LRRK2: variants seen among roughly 807,000 people sequenced by gnomAD.
LRRK2 encodes leucine rich repeat kinase 2.
Under a neutral mutation model 302.6 loss-of-function variants are expected in LRRK2, and 203 were observed. The ratio of observed to expected loss-of-function variants is 0.67; its 90% CI spans 0.60 to 0.75. LRRK2 has a LOEUF of 0.75. LRRK2 is among the 30% of genes least tolerant of loss of function. The pLI, the probability that LRRK2 is intolerant of heterozygous loss-of-function variation, is 0.00. For synonymous variants in LRRK2, 1,066 were observed against 1,031.9 expected, an observed-to-expected ratio of 1.03 and a Z score of -0.63; for missense variants, 2,830 against 2,951.0, an observed-to-expected ratio of 0.96 and a Z score of 0.95.
intron 2 of LRRK2, among the ~76,000 whole-genome samples, chr12:40,228,203 A>C (rs944632194): frequency 1.3e-5 from 2 of 152,144 alleles, no homozygotes; most frequent in African/African-American, 4.8e-5. Context: ...TCCCATCAGC[A>C]GTGTACCACC....
intron 11 of LRRK2, among the ~76,000 whole-genome samples, chr12:40,255,986 G>C (rs947676188): frequency 6.6e-6 from 1 of 152,096 alleles, no homozygotes; most frequent in Non-Finnish European, 1.5e-5. Context: ...TTTAAAAGCA[G>C]TACTTAAGTT....
In LRRK2 at chr12:40,252,465, A is replaced by G. The variant is rs1942314556; in HGVS notation, c.1182-445A>G. 4.6e-5 allele frequency among the ~76,000 whole-genome samples: 7 copies of G among 152,202 alleles called. No homozygotes were observed. The South Asian group carries it at 1.4e-3, about 31-fold the overall frequency. On this transcript the variant is annotated intron_variant, in intron 10 of 50. Transcript: ENST00000298910. ...GGGAGATTCATGTCGCAGTTTATAA[A>G]TTTCAGTTCATAGGATACCTATTTT...
At chr12:40,230,352 T>G (rs1464658120) in intron 2 of LRRK2, among the ~76,000 whole-genome samples, 1 of 152,198 alleles carries the variant, frequency 6.6e-6, no homozygotes, top group Non-Finnish European at 1.5e-5. Flanking sequence ...TTATTCCTTA[T>G]TGGGTGCATA....
chr12:40,275,073 C>A, intron 16 of LRRK2, 80 bp downstream of exon 16: 1 of 1,447,324 alleles, frequency 6.9e-7, no homozygotes, highest in Non-Finnish European at 9.7e-7. Context: ...TCCCACTTTG[C>A]ATGAATGGGG....
intron 49 of LRRK2, 74 bp from the exon 50 acceptor site, chr12:40,366,932 C>A: frequency 9.1e-7 from 1 of 1,102,620 alleles, no homozygotes; most frequent in Non-Finnish European, 1.4e-6. Flanking sequence ...AAACTATGAA[C>A]AACTTTACTT....
Position 40,283,365 on chromosome 12 carries a change from TGAG to T in LRRK2, c.2242-506_2242-504del, listed in dbSNP as rs374864359. 7.2e-5 allele frequency among the ~76,000 whole-genome samples: 11 copies of T among 152,346 alleles called. No homozygotes were observed. In the East Asian group the frequency reaches 2.1e-3, roughly 29 times the overall value. ...TTTGAGGAAATTCAGATGCTTGTCTTGAGGAGCTCAGGAAAGCTAGACACGAGT... is the reference window on the plus strand; with the variant it reads ...TTTGAGGAAATTCAGATGCTTGTCTTGAGCTCAGGAAAGCTAGACACGAGT... On this transcript the variant is annotated intron_variant, in intron 18 of 50. Coordinates refer to ENST00000298910, the MANE Select transcript of LRRK2 (RefSeq NM_198578.4).
At chr12:40,269,020 G>T (rs772051823) in intron 14 of LRRK2, among the ~76,000 whole-genome samples, 1 of 152,024 alleles carries the variant, frequency 6.6e-6, no homozygotes, top group Non-Finnish European at 1.5e-5. Flanking sequence ...TAATGAAATT[G>T]GTATATGTAC....
At chr12:40,296,397 T>G (rs1450397773) in intron 23 of LRRK2, among the ~76,000 whole-genome samples, 1 of 152,140 alleles carries the variant, frequency 6.6e-6, no homozygotes, top group Non-Finnish European at 1.5e-5. Flanking sequence ...TTTGGGAGGC[T>G]GAGGCGGGTG....
intron 11 of LRRK2, among the ~76,000 whole-genome samples, chr12:40,256,815 C>A (rs572788154): frequency 2.0e-5 from 3 of 152,336 alleles, no homozygotes; most frequent in Non-Finnish European, 4.4e-5. Flanking sequence ...CCACCAGTGT[C>A]TAGCATATCT....
In LRRK2 at chr12:40,318,087, C is replaced by T. The variant is rs17443958; in HGVS notation, c.4828-1901C>T. 8.6e-3 allele frequency among the ~76,000 whole-genome samples: 1,303 copies of T among 152,154 alleles called. 6 individuals carry two copies. Among genetic ancestry groups the T allele is most frequent in the South Asian group, 0.03 (143 of 4,824 alleles). ...GCACGGTGATCACAGAATAATTAGA[C>T]ATCTTTCATGGTGGCTGGTTACCAA... On this transcript the variant is annotated intron_variant, in intron 33 of 50. Coordinates refer to ENST00000298910, the MANE Select transcript of LRRK2 (RefSeq NM_198578.4).
rs182823970 is a variant in LRRK2 at position 40,354,007 on chromosome 12, G to C, written c.6577-292G>C. On this transcript the variant is annotated intron_variant, in intron 44 of 50. Coordinates refer to ENST00000298910, the MANE Select transcript of LRRK2 (RefSeq NM_198578.4). ...GGGAGAGGGAGACCATGGGGAGAGGGAGACGGAGAGGGAGAGGGAGAGGAA... is the reference window on the plus strand; with the variant it reads ...GGGAGAGGGAGACCATGGGGAGAGGCAGACGGAGAGGGAGAGGGAGAGGAA... Among the ~76,000 whole-genome samples the C allele has an allele frequency of 5.5e-3, 844 of 152,290 alleles. 2 individuals carry two copies. The highest frequency in any genetic ancestry group is 8.6e-3 in the Non-Finnish European group (584 of 68,018).
intron 13 of LRRK2, 29 bp downstream of exon 13, chr12:40,259,633 G>A: frequency 6.2e-7 from 1 of 1,611,808 alleles, no homozygotes; most frequent in Non-Finnish European, 8.5e-7. Flanking sequence ...TGTGGGAAGA[G>A]ATAACAATTT....
At chr12:40,274,007 C>T (rs1249679301) in intron 14 of LRRK2, among the ~76,000 whole-genome samples, 1 of 152,138 alleles carries the variant, frequency 6.6e-6, no homozygotes, top group East Asian at 1.9e-4. Flanking sequence ...AAGTCCCAGG[C>T]CCAATGCATA....
intron 2 of LRRK2, among the ~76,000 whole-genome samples, chr12:40,225,845 T>A (rs1328026579): frequency 6.6e-6 from 1 of 152,148 alleles, no homozygotes; most frequent in Non-Finnish European, 1.5e-5. Flanking sequence ...GTTCCCTGAG[T>A]GTCTTTAAGA....
At chr12:40,324,108 T>A (rs559408416) in intron 38 of LRRK2, among the ~76,000 whole-genome samples, 1 of 152,324 alleles carries the variant, frequency 6.6e-6, no homozygotes, top group African/African-American at 2.4e-5. Flanking sequence ...TATGTCATTC[T>A]GTAGATTACA....
rs1944807761 is a variant in LRRK2 at position 40,305,945 on chromosome 12, G to A, written c.3938G>A (p.Cys1313Tyr). ...AACTTTGATTTTAAACATATAGGAT[G>A]TAAAGCCAAAGACATCATAAGGTTA... The part of the protein sequence containing the change: ...HLNFDFKHIG[C>Y]KAKDIIRFLQ... Residue 1313 changes from cysteine (C) to tyrosine (Y), a missense_variant, in exon 28 of 51, where the codon TGT becomes TAT. Coordinates refer to ENST00000298910, the MANE Select transcript of LRRK2 (RefSeq NM_198578.4). 1.2e-6 allele frequency: 2 copies of A among 1,610,558 alleles called. No homozygotes were observed. The highest frequency in any genetic ancestry group is 2.2e-5 in the South Asian group (2 of 90,638).
chr12:40,246,388 TTC>T (rs1332401270), intron 7 of LRRK2, among the ~76,000 whole-genome samples: 3 of 152,094 alleles, frequency 2.0e-5, no homozygotes, highest in African/African-American at 7.2e-5. Flanking sequence ...CTAAAAAATC[TTC>T]TCTGTTTATT....
In LRRK2 at chr12:40,310,454, G is replaced by C; in HGVS notation, c.4341G>C (p.Val1447=). The C allele has an allele frequency of 6.2e-7, 1 of 1,613,150 alleles. No individual in the cohort carries two copies. Among genetic ancestry groups the C allele is most frequent in the Non-Finnish European group, 8.5e-7 (1 of 1,179,768 alleles). ...AGGCTCGCGCTTCTTCTTCCCCTGTGATTCTCGTTGGCACACATTTGGATG... is the reference window on the plus strand; with the variant it reads ...AGGCTCGCGCTTCTTCTTCCCCTGTCATTCTCGTTGGCACACATTTGGATG... The part of the protein sequence containing the change: ...NIKARASSSP[V]ILVGTHLDVS... Residue 1447 remains valine (V), a synonymous_variant, in exon 31 of 51, where the codon GTG becomes GTC. Transcript: ENST00000298910.
chr12:40,340,242 T>A, intron 40 of LRRK2, 52 bp from the exon 41 acceptor site: 1 of 1,583,346 alleles, frequency 6.3e-7, no homozygotes, highest in African/African-American at 1.4e-5. Context: ...AGGACAAAAA[T>A]TATTATAATG....
Sources: allele counts gnomAD v4.1 joint callset (sites outside exome capture counted in the v4.1 genomes callset), GRCh38; gene constraint gnomAD v4.1.1; transcripts MANE v1.5; gene names NCBI Gene and HGNC (gene_info 2026-07-23, HGNC 2026-07-21).